The following MYH3 variants were observed in gnomAD, a reference collection of about 807,000 sequenced individuals.
MYH3 encodes the protein myosin-3.
Under a neutral mutation model 238.0 loss-of-function variants are expected in MYH3, and 130 were observed. The observed-to-expected ratio is 0.55, with a 90% CI of 0.47 to 0.63. The LOEUF is 0.63. Among genes scored for constraint, MYH3 ranks in the 30% least tolerant of loss-of-function variants. The pLI is 0.00. For missense variants in MYH3, 1,853 were observed against 2,374.9 expected, an observed-to-expected ratio of 0.78 and a Z score of 4.57; for synonymous variants, 880 against 924.1, an observed-to-expected ratio of 0.95 and a Z score of 0.86.
chr17:10,673,416 C>T, the MYH3 span: 1 of 152,248 alleles, frequency 6.6e-6, no homozygotes, highest in Non-Finnish European at 1.5e-5. Context: ...ACAGGGCTTT[C>T]TGAATGTACG....
chr17:10,635,941 C>A, intron 28 of MYH3, 88 bp from the exon 29 acceptor site: 1 of 1,094,312 alleles, frequency 9.1e-7, no homozygotes, highest in East Asian at 2.4e-5. Flanking sequence ...GTGCTAAGAT[C>A]TGGGGAGACA....
chr17:10,647,495 G>A (rs1296271883), intron 8 of MYH3, 69 bp from the exon 9 acceptor site: 17 of 1,535,338 alleles, frequency 1.1e-5, no homozygotes, highest in Middle Eastern at 1.7e-4. Flanking sequence ...TCATCTTATG[G>A]GTAATTTGAG....
At position 10,628,696 on chromosome 17, in the gene MYH3, C is replaced by T. The variant is rs751631279; in HGVS notation, c.5797-17G>A. 6.2e-7 allele frequency: 1 copy of T among 1,614,194 alleles called. No individual in the cohort carries two copies. Among genetic ancestry groups the T allele is most frequent in the Non-Finnish European group, 8.5e-7 (1 of 1,180,008 alleles). ...GACCACCATCTAGGAAGAAAGTAGG[C>T]ACCTGGAGTCAAGTCGGGTGGCAGA... On this transcript the variant is annotated splice_polypyrimidine_tract_variant and intron_variant, in intron 40 of 40. Coordinates refer to ENST00000583535, the MANE Select transcript of MYH3 (RefSeq NM_002470.4).
At chr17:10,671,315 T>C in the MYH3 span, among the ~76,000 whole-genome samples, 1 of 152,190 alleles carries the variant, frequency 6.6e-6, no homozygotes, top group Non-Finnish European at 1.5e-5. Flanking sequence ...TATGATTCTG[T>C]TAATAAATGC....
chr17:10,632,520 C>T lies in MYH3; in HGVS notation c.4912G>A (p.Ala1638Thr). 3.7e-6 allele frequency: 6 copies of T among 1,614,164 alleles called. No individual in the cohort carries two copies. Among genetic ancestry groups the T allele is most frequent in the Non-Finnish European group, 5.1e-6 (6 of 1,180,050 alleles). Residue 1638 changes from alanine to threonine, a missense_variant, in exon 34 of 41, where the codon GCG (alanine) becomes ACG (threonine). By Grantham distance (58) the Ala-to-Thr change is moderately conservative (BLOSUM62 0). This residue lies in a region of MYH3 where 1,044 missense variants were observed against 1,192.6 expected (regional missense o/e 0.88). Transcript: ENST00000583535. The stretch of plus-strand genomic sequence containing the variant: ...CTCCTGAGGTGTTTGAGGGTCTCCG[C>T]CGCCTGGCGGTTGGCGTGGCTCAGC... ...IQLSHANRQAAETLKHLRSVQ... is the reference protein window; with the variant it reads ...IQLSHANRQATETLKHLRSVQ...
At chr17:10,632,371 A>G in intron 34 of MYH3, 105 bp downstream of exon 34, 3 of 1,297,334 alleles carry the variant, frequency 2.3e-6, no homozygotes, top group Non-Finnish European at 1.1e-6. Flanking sequence ...CTCTTGCCTC[A>G]GTCTCCCAGA....
the MYH3 span, among the ~76,000 whole-genome samples, chr17:10,664,719 G>A: frequency 3.9e-5 from 6 of 152,134 alleles, no homozygotes; most frequent in South Asian, 8.3e-4. Flanking sequence ...GGCAGGTGGC[G>A]GCTACCGTCG....
Position 10,632,780 on chromosome 17 carries a change from G to A in MYH3, c.4652C>T (p.Ala1551Val), listed in dbSNP as rs756904508. Residue 1551 changes from alanine to valine, a missense_variant, in exon 34 of 41, where the codon GCT becomes GTT. Transcript: ENST00000583535. The part of the protein sequence containing the change: ...IQLALEEAEA[A>V]LEHEEAKILR... Reference sequence around the variant, plus strand: ...GATCTTGGCTTCTTCATGCTCAAGAGCAGCCTTTAAGAAACAAAAGCAAAT... The same window carrying A: ...GATCTTGGCTTCTTCATGCTCAAGAACAGCCTTTAAGAAACAAAAGCAAAT... 3 of 1,614,166 alleles carry A rather than the reference G, an allele frequency of 1.9e-6. No individual in the cohort carries two copies. In the Admixed American group the frequency reaches 5.0e-5, roughly 27 times the overall value.
chr17:10,638,517 A>G, intron 26 of MYH3, 85 bp from the exon 27 acceptor site: 2 of 1,559,382 alleles, frequency 1.3e-6, no homozygotes, highest in Admixed American at 3.6e-5. Flanking sequence ...TTCCCTTCCC[A>G]TTAGACAAAC....
At chr17:10,633,951 C>T (rs148603186) in intron 32 of MYH3, 66 bp downstream of exon 32, 95 of 1,587,370 alleles carry the variant, frequency 6.0e-5, no homozygotes, top group Middle Eastern at 2.1e-4. Context: ...GCCACACCCA[C>T]GCCAGCATGC....
rs189005323 is a variant in MYH3 at position 10,632,680 on chromosome 17, G to C, written c.4752C>G (p.Ile1584Met). The C allele has an allele frequency of 1.2e-6, 2 of 1,614,092 alleles. No individual in the cohort carries two copies. Among genetic ancestry groups the C allele is most frequent in the Non-Finnish European group, 1.7e-6 (2 of 1,180,018 alleles). Residue 1584 changes from isoleucine to methionine, a missense_variant, in exon 34 of 41, where the codon ATC (isoleucine) becomes ATG (methionine). Transcript: ENST00000583535. ...TCTGGTAGTTCCTCTTCAGCTGCTC[G>C]ATCTCTTCATCCTTCTCGGCGATCT... ...DRKIAEKDEE[I>M]EQLKRNYQRT...
Position 10,635,492 on chromosome 17 carries a change from C to T in MYH3, c.4047G>A (p.Glu1349=). The change falls in exon 30 of 41, where the codon GAG becomes GAA. Residue 1349 remains glutamate (E), a synonymous_variant. Coordinates refer to ENST00000583535, the MANE Select transcript of MYH3 (RefSeq NM_002470.4). ...HDCDLLREQY[E]EEQEGKAELQ... is the part of the protein sequence containing the mutation. ...GCTCAGCTTTGCCTTCCTGCTCCTC[C>T]TCATACTGTTCCCGCAGCAGGTCAC... The T allele has an allele frequency of 1.9e-6, 3 of 1,614,248 alleles. No individual in the cohort carries two copies. The highest frequency in any genetic ancestry group is 2.5e-6 in the Non-Finnish European group (3 of 1,180,046).
chr17:10,668,321 G>A, the MYH3 span, among the ~76,000 whole-genome samples: 15 of 151,342 alleles, frequency 9.9e-5, no homozygotes, highest in Admixed American at 2.6e-4. Context: ...CTTGAACACC[G>A]GAGGCAGAAG....
chr17:10,675,674 T>C, the MYH3 span: 6 of 152,186 alleles, frequency 3.9e-5, no homozygotes, highest in African/African-American at 1.4e-4. Context: ...ATGGGTTAGT[T>C]TTCCCTGTTC....
upstream of MYH3, among the ~76,000 whole-genome samples, chr17:10,657,500 G>A (rs1597496489): frequency 6.6e-6 from 1 of 152,214 alleles, no homozygotes; most frequent in East Asian, 1.9e-4. Flanking sequence ...TTTTCCGACC[G>A]CAGAATGTCA....
At chr17:10,671,572 A>AT in the MYH3 span, among the ~76,000 whole-genome samples, 3,658 of 82,260 alleles carry the variant, frequency 0.044, 126 homozygotes, top group Non-Finnish European at 0.06. Flanking sequence ...TCTCAGGGTC[A>AT]TTTTTTTTTT....
At chr17:10,670,976 A>G in the MYH3 span, among the ~76,000 whole-genome samples, 1 of 151,734 alleles carries the variant, frequency 6.6e-6, no homozygotes, top group Non-Finnish European at 1.5e-5. This position sits in a 1 kb window ranked among gnomAD's most constrained non-coding sequence, Gnocchi z 7.0. Context: ...TGCAACCTCC[A>G]GCCCCTGGAT....
At chr17:10,659,365 G>C (rs779864881), upstream of MYH3, among the ~76,000 whole-genome samples, 1 of 152,150 alleles carries the variant, frequency 6.6e-6, no homozygotes, top group Non-Finnish European at 1.5e-5. Context: ...CTCTTCATCA[G>C]AATTCTTCAT....
At chr17:10,641,011 G>C in intron 19 of MYH3, 74 bp downstream of exon 19, 1 of 1,211,782 alleles carries the variant, frequency 8.3e-7, no homozygotes, top group Non-Finnish European at 1.2e-6. Context: ...CTTTTCATAC[G>C]AATCTTTCTC....
Sources: allele counts gnomAD v4.1 joint callset (sites outside exome capture counted in the v4.1 genomes callset), GRCh38; gene constraint gnomAD v4.1.1; regional missense constraint gnomAD v4.1.1; non-coding constraint Gnocchi (gnomAD v3.1); transcripts MANE v1.5; gene names NCBI Gene and HGNC (gene_info 2026-07-23, HGNC 2026-07-21).